Variants in IGSF23 observed in about 807,000 individuals in gnomAD.
The protein encoded by IGSF23 is immunoglobulin superfamily member 23.
In IGSF23, 14 loss-of-function variants were observed where a neutral mutation model predicts 17.8. The ratio of observed to expected loss-of-function variants is 0.79; its 90% CI spans 0.52 to 1.23. The LOEUF is 1.23. Ranked by LOEUF, IGSF23 falls within the 50% of genes most tolerant of loss-of-function variation. IGSF23 has a pLI of 0.00. For missense variants in IGSF23, 214 were observed against 241.7 expected (o/e 0.89, Z 0.76); for synonymous variants, 85 against 92.5 (o/e 0.92, Z 0.46).
intron 1 of IGSF23, among the ~76,000 whole-genome samples, chr19:44,617,021 C>T (rs1030784632): frequency 2.0e-5 from 3 of 151,920 alleles, no homozygotes; most frequent in Non-Finnish European, 4.4e-5. Flanking sequence ...ACCTCAGCCT[C>T]CTGAGTAGCT....
chr19:44,624,175 CTCTTCTTCTTCTTTTCTTTCT>C (rs1433773945), intron 2 of IGSF23, among the ~76,000 whole-genome samples: 2 of 151,906 alleles, frequency 1.3e-5, no homozygotes, highest in East Asian at 3.8e-4. Flanking sequence ...TTCTTCTTTC[CTCTTCTTCTTCTTTTCTTTCT>C]TCTTCTTTTT....
intron 3 of IGSF23, 25 bp from the exon 4 acceptor site, chr19:44,635,366 CTCTCTCTCTG>C (rs1258253444): frequency 2.1e-6 from 3 of 1,462,716 alleles, no homozygotes; most frequent in Admixed American, 2.0e-5. Context: ...CTCTCTCTCT[CTCTCTCTCTG>C]TCTCTCTCTC....
intron 1 of IGSF23, among the ~76,000 whole-genome samples, chr19:44,623,315 T>C (rs921130780): frequency 2.6e-5 from 4 of 152,236 alleles, no homozygotes; most frequent in African/African-American, 9.6e-5. Flanking sequence ...CAGGCCCTGG[T>C]GTGGAATGAC....
intron 3 of IGSF23, among the ~76,000 whole-genome samples, chr19:44,629,244 T>G (rs937960036): frequency 2.0e-5 from 3 of 152,132 alleles, no homozygotes; most frequent in Admixed American, 2.0e-4. Flanking sequence ...TGGCTAGTAC[T>G]ACAACGCTAT....
chr19:44,626,920 CAAAAAA>C (rs35293009), intron 2 of IGSF23, among the ~76,000 whole-genome samples: 2 of 103,892 alleles, frequency 1.9e-5, no homozygotes, highest in African/African-American at 8.0e-5. Context: ...GACTCTGTCT[CAAAAAA>C]AAAAAAAAAA....
rs546368484 is a variant in IGSF23 at position 44,615,454 on chromosome 19, T to C, written c.125+1684T>C. 1.5e-3 allele frequency among the ~76,000 whole-genome samples: 227 copies of C among 151,520 alleles called. 1 individual carries two copies. Among genetic ancestry groups the C allele is most frequent in the African/African-American group, 5.0e-3 (207 of 41,288 alleles). Reference sequence around the variant, plus strand: ...GCCTGACCAACATGGAGAAACCCCGTCTCTACTAAAAACAGAAAATTAGCT... The same window carrying C: ...GCCTGACCAACATGGAGAAACCCCGCCTCTACTAAAAACAGAAAATTAGCT... On this transcript the variant is annotated intron_variant, in intron 1 of 4. Transcript: ENST00000402988.
chr19:44,632,150 T>G (rs1325470522), intron 3 of IGSF23: 3 of 363,720 alleles, frequency 8.2e-6, no homozygotes, highest in Non-Finnish European at 1.6e-5. Context: ...AGATAGGTTT[T>G]TGAGGGCAGT....
rs912597255 is a variant in IGSF23 at position 44,613,723 on chromosome 19, G to A, written c.78G>A (p.Pro26=). 58 of 1,550,410 alleles carry A rather than the reference G, an allele frequency of 3.7e-5. No homozygotes were observed. Among genetic ancestry groups the A allele is most frequent in the African/African-American group, 1.2e-4 (9 of 73,030 alleles). ...CCCCACCCACCACCACCACTGACCC[G>A]ATGCTAGAGAAGGATGCGGCTGGAG... The part of the protein sequence containing the change: ...AWSPPTTTTD[P]MLEKDAAGGD... The change falls in exon 1 of 5, where the codon CCG becomes CCA. Residue 26 remains proline (P), a synonymous_variant. Coordinates refer to ENST00000402988, the MANE Select transcript of IGSF23 (RefSeq NM_001205280.2).
intron 2 of IGSF23, among the ~76,000 whole-genome samples, chr19:44,626,131 G>C (rs1019870126): frequency 6.6e-6 from 1 of 152,098 alleles, no homozygotes; most frequent in Admixed American, 6.6e-5. Context: ...GAGAGGGAGG[G>C]TATTTGGGGT....
At chr19:44,632,626 A>C (rs1972793495) in intron 3 of IGSF23, 1 of 153,392 alleles carries the variant, frequency 6.5e-6, no homozygotes, top group Non-Finnish European at 1.5e-5. Context: ...TGGCCTGGAG[A>C]AACACAAGCA....
intron 1 of IGSF23, among the ~76,000 whole-genome samples, chr19:44,617,712 G>A (rs1972415939): frequency 6.6e-6 from 1 of 152,116 alleles, no homozygotes; most frequent in Non-Finnish European, 1.5e-5. Flanking sequence ...GGTTGGGTAG[G>A]AGTAAATGGA....
At chr19:44,626,801 A>T (rs1475523974) in intron 2 of IGSF23, among the ~76,000 whole-genome samples, 2 of 152,140 alleles carry the variant, frequency 1.3e-5, no homozygotes, top group Non-Finnish European at 2.9e-5. Context: ...ATGTGCCTGT[A>T]ATCCCAGCTA....
At chr19:44,629,900 A>G (rs574311642) in intron 3 of IGSF23, among the ~76,000 whole-genome samples, 35 of 152,180 alleles carry the variant, frequency 2.3e-4, no homozygotes, top group Admixed American at 2.0e-3. Context: ...TGCTGGGATT[A>G]CAAGCATAAG....
chr19:44,621,396 C>G (rs1320580486), intron 1 of IGSF23, among the ~76,000 whole-genome samples: 3 of 152,020 alleles, frequency 2.0e-5, no homozygotes, highest in Admixed American at 6.6e-5. Flanking sequence ...CACCTTTAAC[C>G]CCAGCACTTT....
intron 3 of IGSF23, among the ~76,000 whole-genome samples, chr19:44,628,352 GAT>G (rs1432851088): frequency 1.3e-5 from 2 of 152,154 alleles, no homozygotes; most frequent in African/African-American, 4.8e-5. Context: ...AGGCACTGAG[GAT>G]ACCGAGGGAA....
intron 3 of IGSF23, among the ~76,000 whole-genome samples, chr19:44,629,992 T>A (rs1972732412): frequency 6.6e-6 from 1 of 151,952 alleles, no homozygotes; most frequent in African/African-American, 2.4e-5. Context: ...CTCATTTCAG[T>A]CCAGAGAGTA....
At chr19:44,619,461 T>C (rs1414839517) in intron 1 of IGSF23, among the ~76,000 whole-genome samples, 1 of 152,208 alleles carries the variant, frequency 6.6e-6, no homozygotes, top group South Asian at 2.1e-4. Flanking sequence ...CAAACTTTCA[T>C]ATCTGAATTA....
intron 3 of IGSF23, among the ~76,000 whole-genome samples, chr19:44,628,850 G>A: frequency 6.6e-6 from 1 of 152,172 alleles, no homozygotes; most frequent in Non-Finnish European, 1.5e-5. Flanking sequence ...ATTGTGGAGT[G>A]GGGTGGCATT....
At chr19:44,626,217 G>A (rs1044245688) in intron 2 of IGSF23, among the ~76,000 whole-genome samples, 5 of 152,178 alleles carry the variant, frequency 3.3e-5, no homozygotes, top group African/African-American at 9.7e-5. Context: ...CAGCTTGGCT[G>A]GGTCCCAGAG....
Sources: gnomAD v4.1 joint callset for allele counts (sites outside exome capture counted in the v4.1 genomes callset) on GRCh38, gnomAD v4.1.1 for gene constraint, MANE v1.5 for transcripts, NCBI Gene and HGNC (gene_info 2026-07-23, HGNC 2026-07-21) for gene names.